Variants in PUS7L observed in about 807,000 individuals in gnomAD.
The protein encoded by PUS7L is pseudouridine synthase 7 like, also known as pseudouridylate synthase PUS7L.
In PUS7L, 49 loss-of-function variants were observed where a neutral mutation model predicts 51.1. The ratio of observed to expected loss-of-function variants is 0.96; its 90% confidence interval spans 0.76 to 1.22. PUS7L has a LOEUF of 1.22. Ranked by LOEUF, PUS7L falls within the 50% of genes most tolerant of loss-of-function variation. The probability of loss-of-function intolerance (pLI) is 0.00; values close to 1 mark genes in which losing one functional copy is unlikely to be tolerated. For synonymous variants in PUS7L, 277 were observed against 276.2 expected (o/e 1.00, Z -0.03); for missense variants, 828 against 820.6 (o/e 1.01, Z -0.11).
Position 43,721,227 on chromosome 12 carries a change from G to C in PUS7L, c.*9149C>G, listed in dbSNP as rs1194484965. 2 of 152,096 alleles carry C rather than the reference G, an allele frequency of 1.3e-5. No individual in the cohort carries two copies. Among genetic ancestry groups the C allele is most frequent in the African/African-American group, 2.4e-5 (1 of 41,432 alleles). 9.4% of individuals were successfully genotyped at this position (152,096 alleles called of 1,614,324 possible). ...ATGCCCTTAAAACCAAAAAGGGCCAGGTTAGACTCTCTTTACAATCTAGAG... is the reference window on the plus strand; with the variant it reads ...ATGCCCTTAAAACCAAAAAGGGCCACGTTAGACTCTCTTTACAATCTAGAG... On this transcript the variant is annotated 3_prime_UTR_variant, in exon 9 of 9. Transcript: ENST00000344862.
intron 1 of PUS7L, among the ~76,000 whole-genome samples, chr12:43,757,217 C>T (rs1013294893): frequency 3.9e-5 from 6 of 152,214 alleles, no homozygotes; most frequent in African/African-American, 9.7e-5. Flanking sequence ...GTCGTCCAGG[C>T]TGGAGTGCAG....
intron 7 of PUS7L, among the ~76,000 whole-genome samples, chr12:43,732,273 C>T (rs1944574717): frequency 6.6e-6 from 1 of 151,862 alleles, no homozygotes; most frequent in African/African-American, 2.4e-5. Context: ...GAAATCCTGT[C>T]TATATAAAAA....
intron 6 of PUS7L, chr12:43,737,841 T>A (rs1466656154): frequency 6.4e-6 from 1 of 155,546 alleles, no homozygotes; most frequent in Admixed American, 6.3e-5. Context: ...CCTTAGTGGT[T>A]TTCATCAAGC....
At chr12:43,742,603 A>T in intron 4 of PUS7L, 48 bp from the exon 5 acceptor site, 1 of 1,491,314 alleles carries the variant, frequency 6.7e-7, no homozygotes, top group Non-Finnish European at 9.0e-7. Flanking sequence ...AAATACAATT[A>T]TGTGTCAAAA....
chr12:43,755,186 G>A lies in PUS7L; in HGVS notation c.60C>T (p.His20=), dbSNP rs201700465. The A allele has an allele frequency of 1.3e-5, 21 of 1,611,088 alleles. No homozygotes were observed. Among genetic ancestry groups the A allele is most frequent in the Admixed American group, 1.7e-5 (1 of 59,548 alleles). Reference sequence around the variant, plus strand: ...TTTTTATAGTGCCATGAAATCCAACGTGATCATTAAAGAAACACAAAGAAC... The same window carrying A: ...TTTTTATAGTGCCATGAAATCCAACATGATCATTAAAGAAACACAAAGAAC... ...RFSSLCFFND[H]VGFHGTIKSS... Residue 20 remains histidine, a synonymous_variant, in exon 2 of 9, where the codon CAC becomes CAT. Transcript: ENST00000344862.
At chr12:43,739,117 G>C (rs922107342) in intron 5 of PUS7L, 17 of 152,712 alleles carry the variant, frequency 1.1e-4, no homozygotes, top group Admixed American at 9.8e-4. Context: ...CAGCTGTAAA[G>C]TGAAAGATCA....
At chr12:43,731,586 T>C in intron 8 of PUS7L, 119 bp downstream of exon 8, 1 of 593,108 alleles carries the variant, frequency 1.7e-6, no homozygotes, top group South Asian at 2.2e-5. Flanking sequence ...GTATATAAAT[T>C]ATACCTTAAT....
At chr12:43,744,364 G>GAGTGAGTTCTCACGAT (rs917945328) in intron 4 of PUS7L, among the ~76,000 whole-genome samples, 6 of 152,116 alleles carry the variant, frequency 3.9e-5, no homozygotes, top group Non-Finnish European at 8.8e-5. Context: ...GTTCTCATGA[G>GAGTGAGTTCTCACGAT]AGTGAGTTCT....
chr12:43,754,177 T>C (rs1938582003), intron 2 of PUS7L, among the ~76,000 whole-genome samples, 159 bp downstream of exon 2: 6 of 152,184 alleles, frequency 3.9e-5, no homozygotes, highest in Admixed American at 3.9e-4. Context: ...TAAATAAGAA[T>C]TCCTAGAGTT....
At chr12:43,732,240 G>A (rs1592157733) in intron 7 of PUS7L, among the ~76,000 whole-genome samples, 1 of 151,950 alleles carries the variant, frequency 6.6e-6, no homozygotes, top group South Asian at 2.1e-4. Context: ...CCAGCAGTTT[G>A]AGACCAGCAT....
At chr12:43,746,619 A>G (rs1457007796) in intron 3 of PUS7L, among the ~76,000 whole-genome samples, 1 of 152,202 alleles carries the variant, frequency 6.6e-6, no homozygotes, top group African/African-American at 2.4e-5. Context: ...CTAGCACCAG[A>G]GGATTTTCCT....
At chr12:43,748,684 A>G in intron 2 of PUS7L, 75 bp from the exon 3 acceptor site, 4 of 1,144,086 alleles carry the variant, frequency 3.5e-6, no homozygotes, top group Non-Finnish European at 4.9e-6. Context: ...CTAACAGATT[A>G]GTATAATAAA....
chr12:43,755,198 G>A lies in PUS7L; in HGVS notation c.48C>T (p.Phe16=), dbSNP rs112602904. The part of the protein sequence containing the change: ...DYRIRFSSLC[F]FNDHVGFHGT... ...CATGAAATCCAACGTGATCATTAAA[G>A]AAACACAAAGAACTAAACCTGATTC... The change falls in exon 2 of 9, where the codon TTC becomes TTT. Residue 16 remains phenylalanine, a synonymous_variant. Coordinates refer to ENST00000344862, the MANE Select transcript of PUS7L (RefSeq NM_031292.5). 6.2e-7 allele frequency: 1 copy of A among 1,610,638 alleles called. No individual in the cohort carries two copies. The highest frequency in any genetic ancestry group is 1.1e-5 in the South Asian group (1 of 90,640).
At chr12:43,737,177 GCTTATT>G (rs2137683920) in intron 6 of PUS7L, among the ~76,000 whole-genome samples, 1 of 152,230 alleles carries the variant, frequency 6.6e-6, no homozygotes, top group South Asian at 2.1e-4. Flanking sequence ...CCACAAAGAT[GCTTATT>G]CACGTATGGC....
At chr12:43,730,752 C>T (rs1944534292) in intron 8 of PUS7L, 50 bp from the exon 9 acceptor site, 2 of 1,226,956 alleles carry the variant, frequency 1.6e-6, no homozygotes, top group Non-Finnish European at 2.3e-6. Context: ...CAAAAAGATA[C>T]ATGATCATAT....
rs767452350 is a variant in PUS7L at position 43,754,955 on chromosome 12, A to G, written c.291T>C (p.Gly97=). The change falls in exon 2 of 9, where the codon GGT becomes GGC. Residue 97 remains glycine, a synonymous_variant. Transcript: ENST00000344862. ...EVHTLIKYTD[G]DQNHQSGSEK... Reference sequence around the variant, plus strand: ...CTGAACCAGACTGATGATTTTGGTCACCATCAGTGTACTTAATCAAAGTAT... The same window carrying G: ...CTGAACCAGACTGATGATTTTGGTCGCCATCAGTGTACTTAATCAAAGTAT... The G allele has an allele frequency of 1.2e-6, 2 of 1,613,806 alleles. No homozygotes were observed. The highest frequency in any genetic ancestry group is 1.7e-6 in the Non-Finnish European group (2 of 1,179,880).
intron 4 of PUS7L, 46 bp from the exon 5 acceptor site, chr12:43,742,601 T>C: frequency 6.6e-7 from 1 of 1,505,674 alleles, no homozygotes; most frequent in South Asian, 1.3e-5. Flanking sequence ...ATAAATACAA[T>C]TATGTGTCAA....
chr12:43,731,886 A>T, intron 7 of PUS7L, 128 bp from the exon 8 acceptor site: 5 of 608,290 alleles, frequency 8.2e-6, no homozygotes, highest in Admixed American at 3.6e-5. Flanking sequence ...CCCAAACAAG[A>T]TCTTATCATA....
chr12:43,730,588 T>C lies in PUS7L; in HGVS notation c.1894A>G (p.Thr632Ala), dbSNP rs771811747. 1.9e-6 allele frequency: 3 copies of C among 1,613,456 alleles called. No individual in the cohort carries two copies. Among genetic ancestry groups the C allele is most frequent in the East Asian group, 4.5e-5 (2 of 44,852 alleles). The change falls in exon 9 of 9, where the codon ACT becomes GCT. Residue 632 changes from threonine (T) to alanine (A), a missense_variant. Transcript: ENST00000344862. Reference protein sequence around the residue: ...GLQTCRFKVPTLKLNIPGCYR... With the variant: ...GLQTCRFKVPALKLNIPGCYR... ...CAACCTGGTATATTCAGTTTCAGAG[T>C]AGGTACTTTAAACCTACATGTCTGT...
Sources: gnomAD v4.1 joint callset for allele counts (sites outside exome capture counted in the v4.1 genomes callset) on GRCh38, gnomAD v4.1.1 for gene constraint, MANE v1.5 for transcripts, NCBI Gene and HGNC (gene_info 2026-07-23, HGNC 2026-07-21) for gene names.